The following MDN1 variants were observed in gnomAD, a reference collection of about 807,000 sequenced individuals.
MDN1 encodes midasin.
MDN1 carries 266 observed loss-of-function variants against 669.2 expected under a neutral mutation model. The observed-to-expected ratio is 0.40, with a 90% CI of 0.36 to 0.44. The LOEUF is 0.44. Among genes scored for constraint, MDN1 ranks in the 20% least tolerant of loss-of-function variants. The pLI is 1.00. For missense variants in MDN1, 5,940 were observed against 6,754.0 expected (o/e 0.88, Z 4.22); for synonymous variants, 2,385 against 2,457.1 (o/e 0.97, Z 0.87).
intron 85 of MDN1, among the ~76,000 whole-genome samples, chr6:89,663,345 G>C (rs940659556): frequency 6.6e-6 from 1 of 152,076 alleles, no homozygotes; most frequent in Non-Finnish European, 1.5e-5. Context: ...ATACTGCTAT[G>C]ATTTTTTCCA....
chr6:89,646,650 C>T (rs1808508694), intron 99 of MDN1, 47 bp from the exon 100 acceptor site: 3 of 1,489,396 alleles, frequency 2.0e-6, no homozygotes, highest in East Asian at 2.3e-5. Flanking sequence ...TGTGAATGCT[C>T]TTCTCATTGT....
In MDN1 at chr6:89,654,330, CA is replaced by C; in HGVS notation, c.15494del (p.Val5165GlyfsTer22). The C allele has an allele frequency of 1.2e-6, 2 of 1,614,072 alleles. No homozygotes were observed. Among genetic ancestry groups the C allele is most frequent in the Non-Finnish European group, 1.7e-6 (2 of 1,179,984 alleles). On this transcript the variant is annotated frameshift_variant, in exon 93 of 102. Coordinates refer to ENST00000369393, the MANE Select transcript of MDN1 (RefSeq NM_014611.3). LOFTEE classifies it high-confidence loss of function. ...SDAYDAQTYD[V>X]ASKEQQQSAK... The stretch of plus-strand genomic sequence containing the variant: ...CAGACTGTTGCTGTTCTTTGCTGGC[CA>C]CATCTGTCAACAAAGCACGCACCCA...
intron 62 of MDN1, 105 bp from the exon 63 acceptor site, chr6:89,693,253 C>T (rs1299650712): frequency 3.0e-5 from 22 of 726,696 alleles, no homozygotes; most frequent in South Asian, 2.3e-4. Context: ...TCAGCTGCTG[C>T]GAAATAATAT....
chr6:89,733,578 G>A (rs892110538), intron 33 of MDN1, among the ~76,000 whole-genome samples: 6 of 150,862 alleles, frequency 4.0e-5, no homozygotes, highest in African/African-American at 1.5e-4. Flanking sequence ...AGCCTCCAAA[G>A]CTATATAGAT....
chr6:89,743,089 G>GAA (rs369676011), intron 31 of MDN1, 61 bp downstream of exon 31: 567 of 1,232,048 alleles, frequency 4.6e-4, no homozygotes, highest in South Asian at 2.0e-3. Context: ...GTCTCAGGGA[G>GAA]AAAAAAAAAA....
In MDN1 at chr6:89,749,190, T is replaced by C. The variant is rs112078960; in HGVS notation, c.3762+33A>G. On this transcript the variant is annotated intron_variant, in intron 26 of 101. Transcript: ENST00000369393. ...AAGCCATGAAATTTTGATCACCAAG[T>C]ATAATCAATACATTCCATTTGAAAC... is the stretch of plus-strand genomic sequence containing the variant. 3.9e-5 allele frequency: 62 copies of C among 1,586,674 alleles called. 2 individuals carry two copies. In the African/African-American group the frequency reaches 5.5e-4, roughly 14 times the overall value.
At position 89,700,046 on chromosome 6, in the gene MDN1, C is replaced by A; in HGVS notation, c.8870+17G>T. 1 of 1,609,028 alleles carries A rather than the reference C, an allele frequency of 6.2e-7. No homozygotes were observed. Among genetic ancestry groups the A allele is most frequent in the Non-Finnish European group, 8.5e-7 (1 of 1,175,522 alleles). ...AAAAAAGTTCCCGCAAGGAAAACAA[C>A]TGAAAGCATGGTTTACCTTCTGAGA... On this transcript the variant is annotated intron_variant, in intron 57 of 101. Coordinates refer to ENST00000369393, the MANE Select transcript of MDN1 (RefSeq NM_014611.3).
At chr6:89,686,184 G>A (rs952680042) in intron 69 of MDN1, among the ~76,000 whole-genome samples, 1 of 152,176 alleles carries the variant, frequency 6.6e-6, no homozygotes, top group African/African-American at 2.4e-5. Flanking sequence ...CAGCACTCTG[G>A]GAGGCCAAGG....
intron 43 of MDN1, among the ~76,000 whole-genome samples, chr6:89,717,114 C>T (rs1454847251): frequency 6.6e-6 from 1 of 152,206 alleles, no homozygotes; most frequent in African/African-American, 2.4e-5. Context: ...TCCCACCTAT[C>T]AGTGCATTTA....
At chr6:89,770,963 A>G (rs1016382221) in intron 15 of MDN1, among the ~76,000 whole-genome samples, 3 of 152,204 alleles carry the variant, frequency 2.0e-5, no homozygotes, top group African/African-American at 7.2e-5. Flanking sequence ...TGAGCTCCTC[A>G]ATAAATTCAA....
intron 8 of MDN1, among the ~76,000 whole-genome samples, chr6:89,787,048 T>G (rs2128325770): frequency 6.6e-6 from 1 of 151,280 alleles, no homozygotes; most frequent in South Asian, 2.1e-4. Flanking sequence ...CAAGACCAGC[T>G]TGGGCAACAC....
intron 2 of MDN1, among the ~76,000 whole-genome samples, chr6:89,802,088 A>C (rs1247452493): frequency 6.6e-6 from 1 of 152,234 alleles, no homozygotes; most frequent in Non-Finnish European, 1.5e-5. Context: ...GAAAGCAAGG[A>C]AAAAACTGGA....
intron 94 of MDN1, 124 bp from the exon 95 acceptor site, chr6:89,652,405 A>T (rs1199169213): frequency 1.1e-5 from 8 of 716,118 alleles, no homozygotes; most frequent in East Asian, 1.1e-4. Context: ...TGAGATTCAA[A>T]ACTTAATTCA....
chr6:89,677,756 C>A (rs1203838518), intron 75 of MDN1, 60 bp from the exon 76 acceptor site: 2 of 1,607,458 alleles, frequency 1.2e-6, no homozygotes, highest in Non-Finnish European at 1.7e-6. Flanking sequence ...GATGTGCCCC[C>A]CTCTCCCCTG....
At chr6:89,784,437 G>C (rs921761429) in intron 9 of MDN1, among the ~76,000 whole-genome samples, 1 of 152,198 alleles carries the variant, frequency 6.6e-6, no homozygotes, top group African/African-American at 2.4e-5. Flanking sequence ...CACTGACAAT[G>C]CTTTGTCTGC....
At chr6:89,806,732 T>A (rs992587172) in intron 1 of MDN1, among the ~76,000 whole-genome samples, 27 of 151,486 alleles carry the variant, frequency 1.8e-4, no homozygotes, top group Non-Finnish European at 2.8e-4. Context: ...AATAAAAAAA[T>A]TTTTAAAAAA....
chr6:89,715,694 TATCA>T lies in MDN1; in HGVS notation c.6815_6818del (p.Met2272LysfsTer8), dbSNP rs1814318789. On this transcript the variant is annotated frameshift_variant, in exon 45 of 102. Coordinates refer to ENST00000369393, the MANE Select transcript of MDN1 (RefSeq NM_014611.3). LOFTEE classifies it high-confidence loss of function. ...GTGTTATCGTGGGAGTGGATCCATCTATCATTCCTCTCTCACTAATAGTGAGGAC... is the reference window on the plus strand; with the variant it reads ...GTGTTATCGTGGGAGTGGATCCATCTTTCCTCTCTCACTAATAGTGAGGAC... The T allele has an allele frequency of 6.2e-7, 1 of 1,613,348 alleles. No individual in the cohort carries two copies. The highest frequency in any genetic ancestry group is 1.1e-5 in the South Asian group (1 of 91,082).
At position 89,694,890 on chromosome 6, in the gene MDN1, TA is replaced by T. The variant is rs1812628361; in HGVS notation, c.9772-708del. Among the ~76,000 whole-genome samples, 10 of 152,072 alleles carry T rather than the reference TA, an allele frequency of 6.6e-5. No homozygotes were observed. In the South Asian group the frequency reaches 2.1e-3, roughly 31 times the overall value. On this transcript the variant is annotated intron_variant, in intron 61 of 101. Coordinates refer to ENST00000369393, the MANE Select transcript of MDN1 (RefSeq NM_014611.3). ...TTGAGTTTTAGATAGCAAGCACCAA[TA>T]AGTTAAAAATTCCTAGGATATAGGG... is the stretch of plus-strand genomic sequence containing the variant.
At chr6:89,744,100 T>G in intron 29 of MDN1, among the ~76,000 whole-genome samples, 2 of 118,148 alleles carry the variant, frequency 1.7e-5, no homozygotes, top group Non-Finnish European at 3.5e-5. Context: ...CGGAATGCCT[T>G]CTTAAAAAAA....
Sources: gnomAD v4.1 joint callset for allele counts (sites outside exome capture counted in the v4.1 genomes callset) on GRCh38, gnomAD v4.1.1 for gene constraint, MANE v1.5 for transcripts, NCBI Gene and HGNC (gene_info 2026-07-23, HGNC 2026-07-21) for gene names.